LINGO1: variants seen among roughly 807,000 people sequenced by gnomAD.
The protein encoded by LINGO1 is leucine-rich repeat and immunoglobulin-like domain-containing nogo receptor-interacting protein 1.
LINGO1 carries 11 observed loss-of-function variants against 37.3 expected under a neutral mutation model. That is an observed-to-expected ratio of 0.29 (90% confidence interval 0.19 to 0.49). The LOEUF is 0.49. Ranked by LOEUF, LINGO1 falls within the 20% of genes least tolerant of loss-of-function variation. LINGO1 has a pLI of 0.99. For missense variants in LINGO1, 585 were observed against 878.2 expected (o/e 0.67, Z 4.22); for synonymous variants, 387 against 403.0 (o/e 0.96, Z 0.48).
chr15:77,690,291 C>T (rs529339556), intron 2 of LINGO1, among the ~76,000 whole-genome samples: 9 of 152,342 alleles, frequency 5.9e-5, no homozygotes, highest in African/African-American at 1.9e-4. Flanking sequence ...CGAGGACTTT[C>T]GTTTGTTCTG....
intron 2 of LINGO1, among the ~76,000 whole-genome samples, chr15:77,690,159 G>A (rs2075578886): frequency 1.3e-5 from 2 of 152,126 alleles, no homozygotes; most frequent in African/African-American, 4.8e-5. Context: ...TTTGGGAAAC[G>A]CTCACCCCTC....
chr15:77,711,784 C>G (rs1026431380), intron 2 of LINGO1, among the ~76,000 whole-genome samples: 1 of 152,196 alleles, frequency 6.6e-6, no homozygotes, highest in Non-Finnish European at 1.5e-5. Flanking sequence ...CCAGCCTCCA[C>G]CACACCACTG....
At chr15:77,633,809 T>C (rs1476268406), upstream of LINGO1, among the ~76,000 whole-genome samples, 1 of 152,246 alleles carries the variant, frequency 6.6e-6, no homozygotes, top group East Asian at 1.9e-4. Context: ...TCCTCCTTGA[T>C]CCTCAGATAC....
At chr15:77,658,744 G>A (rs1268727426) in intron 3 of LINGO1, among the ~76,000 whole-genome samples, 4 of 152,252 alleles carry the variant, frequency 2.6e-5, no homozygotes, top group African/African-American at 9.6e-5. Context: ...ACTGTCACCT[G>A]AAGGCTACTT....
intron 2 of LINGO1, among the ~76,000 whole-genome samples, chr15:77,704,510 ACTGATCACACG>A (rs938897654): frequency 3.6e-5 from 5 of 139,028 alleles, no homozygotes; most frequent in African/African-American, 1.4e-4. Context: ...GAGTCCTGAC[ACTGATCACACG>A]CTGAGCCCCA....
At chr15:77,768,833 C>T (rs967857826) in intron 1 of LINGO1, among the ~76,000 whole-genome samples, 2 of 152,154 alleles carry the variant, frequency 1.3e-5, no homozygotes, top group Admixed American at 1.3e-4. Flanking sequence ...TAATCTACAC[C>T]CTGGATTCAT....
At chr15:77,752,931 C>T (rs1486953412) in intron 1 of LINGO1, among the ~76,000 whole-genome samples, 1 of 152,256 alleles carries the variant, frequency 6.6e-6, no homozygotes, top group Non-Finnish European at 1.5e-5. Flanking sequence ...CCTTCTGCCT[C>T]TCTAGGCTGG....
At chr15:77,705,448 G>A (rs1197519613) in intron 2 of LINGO1, among the ~76,000 whole-genome samples, 1 of 152,124 alleles carries the variant, frequency 6.6e-6, no homozygotes, top group South Asian at 2.1e-4. Flanking sequence ...CAGGGCTCCC[G>A]TCCTGGTCCA....
chr15:77,623,291 G>C (rs762201786), intron 1 of LINGO1, among the ~76,000 whole-genome samples: 8 of 152,216 alleles, frequency 5.3e-5, no homozygotes, highest in Middle Eastern at 6.8e-3. Flanking sequence ...AGGTGTGCAG[G>C]GGGGAAGGGA....
intron 1 of LINGO1, among the ~76,000 whole-genome samples, chr15:77,740,896 G>A (rs898979984): frequency 5.9e-5 from 9 of 152,190 alleles, no homozygotes; most frequent in East Asian, 5.8e-4. Context: ...CGAGCTATGC[G>A]GCCCGGCAAC....
At chr15:77,644,262 C>G (rs1275757704) in intron 3 of LINGO1, among the ~76,000 whole-genome samples, 4 of 152,208 alleles carry the variant, frequency 2.6e-5, no homozygotes, top group African/African-American at 9.7e-5. Flanking sequence ...AGCTCCTTCA[C>G]CAGTCCACAG....
At chr15:77,771,908 G>C (rs918787776) in intron 1 of LINGO1, among the ~76,000 whole-genome samples, 4 of 152,190 alleles carry the variant, frequency 2.6e-5, no homozygotes, top group Non-Finnish European at 5.9e-5. Flanking sequence ...CAATGGCCCT[G>C]AGTTTCTCCT....
chr15:77,632,397 C>G lies in LINGO1; in HGVS notation c.-82G>C. 1 of 1,282,828 alleles carries G rather than the reference C, an allele frequency of 7.8e-7. No individual in the cohort carries two copies. The highest frequency in any genetic ancestry group is 9.9e-7 in the Non-Finnish European group (1 of 1,008,014). The allele number at this position is 1,282,828 out of a possible 1,614,324, so 79.5% of individuals were successfully genotyped here. On this transcript the variant is annotated 5_prime_UTR_variant, in exon 1 of 2. Coordinates refer to ENST00000355300, the MANE Select transcript of LINGO1 (RefSeq NM_032808.7). This position sits in a 1 kb window ranked among gnomAD's most constrained non-coding sequence, Gnocchi z 6.0. ...GGCCCGACCAGGCCCCAGCCCCTGCCCAGCCCCCTCCTCCGTTTCCTCCTC... is the reference window on the plus strand; with the variant it reads ...GGCCCGACCAGGCCCCAGCCCCTGCGCAGCCCCCTCCTCCGTTTCCTCCTC...
At chr15:77,652,481 A>AGTGTGTGTGT (rs1490464576) in intron 3 of LINGO1, among the ~76,000 whole-genome samples, 10 of 56,296 alleles carry the variant, frequency 1.8e-4, no homozygotes, top group South Asian at 7.6e-4. Flanking sequence ...CTGGGGAGGG[A>AGTGTGTGTGT]GAGTGTGTGT....
chr15:77,624,162 T>C (rs2074018775), intron 1 of LINGO1, among the ~76,000 whole-genome samples: 1 of 55,400 alleles, frequency 1.8e-5, no homozygotes, highest in South Asian at 6.7e-4. Flanking sequence ...GTGAGTGGCC[T>C]CTGTGTGTGT....
chr15:77,680,192 C>A (rs2075390734), intron 2 of LINGO1, among the ~76,000 whole-genome samples: 1 of 152,228 alleles, frequency 6.6e-6, no homozygotes, highest in African/African-American at 2.4e-5. Flanking sequence ...GAGCTCCTGG[C>A]AGCCTAGGTC....
chr15:77,813,014 C>T (rs1476806741), intron 1 of LINGO1, among the ~76,000 whole-genome samples: 2 of 152,242 alleles, frequency 1.3e-5, no homozygotes, highest in East Asian at 3.9e-4. Flanking sequence ...CCGGATCAGC[C>T]TAGTTGGCCC....
At chr15:77,737,472 G>A (rs773462388) in intron 1 of LINGO1, among the ~76,000 whole-genome samples, 5 of 151,986 alleles carry the variant, frequency 3.3e-5, no homozygotes, top group Non-Finnish European at 5.9e-5. Flanking sequence ...GGAGGGAGAG[G>A]AAGAGAGAGA....
At chr15:77,711,960 G>A (rs928614518) in intron 2 of LINGO1, among the ~76,000 whole-genome samples, 1 of 152,090 alleles carries the variant, frequency 6.6e-6, no homozygotes, top group African/African-American at 2.4e-5. Flanking sequence ...TGCTCCTCGG[G>A]GCTCTTCTAG....
Sources: allele counts gnomAD v4.1 joint callset (sites outside exome capture counted in the v4.1 genomes callset), GRCh38; gene constraint gnomAD v4.1.1; non-coding constraint Gnocchi (gnomAD v3.1); transcripts MANE v1.5; gene names NCBI Gene and HGNC (gene_info 2026-07-23, HGNC 2026-07-21).